ITGA9: variants seen among roughly 807,000 people sequenced by gnomAD.
ITGA9 encodes the protein integrin alpha-9.
ITGA9 carries 56 observed loss-of-function variants against 127.8 expected under a neutral mutation model. The ratio of observed to expected loss-of-function variants is 0.44; its 90% confidence interval spans 0.35 to 0.55. ITGA9 has a LOEUF of 0.55. Ranked by LOEUF, ITGA9 falls within the 20% of genes least tolerant of loss-of-function variation. The pLI, the probability that ITGA9 is intolerant of heterozygous loss-of-function variation, is 0.00. For missense variants in ITGA9, 1,196 were observed against 1,347.1 expected (o/e 0.89, Z 1.76); for synonymous variants, 508 against 514.5 (o/e 0.99, Z 0.17).
chr3:37,662,437 G>C (rs1700547369), intron 17 of ITGA9, among the ~76,000 whole-genome samples: 1 of 152,094 alleles, frequency 6.6e-6, no homozygotes, highest in African/African-American at 2.4e-5. Flanking sequence ...CCAGGAGCCA[G>C]GGTGGGGAAG....
At chr3:37,717,404 G>A (rs1045537396) in intron 18 of ITGA9, among the ~76,000 whole-genome samples, 7 of 152,162 alleles carry the variant, frequency 4.6e-5, no homozygotes, top group African/African-American at 7.2e-5. Flanking sequence ...GTATTAGTCC[G>A]TTTTCACACT....
At chr3:37,797,637 A>G (rs1697189362) in intron 26 of ITGA9, among the ~76,000 whole-genome samples, 1 of 152,218 alleles carries the variant, frequency 6.6e-6, no homozygotes, top group South Asian at 2.1e-4. Context: ...AATATTCATA[A>G]TATCAAAAAA....
At chr3:37,563,562 T>C (rs568167255) in intron 15 of ITGA9, among the ~76,000 whole-genome samples, 4 of 152,362 alleles carry the variant, frequency 2.6e-5, no homozygotes, top group Non-Finnish European at 4.4e-5. Context: ...TCCCCAGTTA[T>C]GGAATGTCTA....
intron 3 of ITGA9, among the ~76,000 whole-genome samples, chr3:37,476,284 C>T (rs967519886): frequency 6.6e-6 from 1 of 152,060 alleles, no homozygotes; most frequent in Non-Finnish European, 1.5e-5. Flanking sequence ...CAAATGGCTG[C>T]AGCATTTTAA....
At chr3:37,664,707 A>C (rs1700569056) in intron 17 of ITGA9, among the ~76,000 whole-genome samples, 2 of 152,000 alleles carry the variant, frequency 1.3e-5, no homozygotes, top group Non-Finnish European at 2.9e-5. Context: ...TGGCCGAGTC[A>C]GCACATTCTT....
chr3:37,493,318 G>A (rs966818183), intron 4 of ITGA9, among the ~76,000 whole-genome samples: 1 of 152,150 alleles, frequency 6.6e-6, no homozygotes, highest in African/African-American at 2.4e-5. Flanking sequence ...TTTGTATTTT[G>A]CATTTCAAAA....
chr3:37,822,177 T>C lies in ITGA9; in HGVS notation c.*3188T>C, dbSNP rs1455388714. Reference sequence around the variant, plus strand: ...CACTGTGGAATCCTATAAGATATTCTCCTGAGCAGTATTATTTCAGTTTCC... The same window carrying C: ...CACTGTGGAATCCTATAAGATATTCCCCTGAGCAGTATTATTTCAGTTTCC... On this transcript the variant is annotated 3_prime_UTR_variant, in exon 28 of 28. Transcript: ENST00000264741. 1 of 152,170 alleles carries C rather than the reference T, an allele frequency of 6.6e-6. No homozygotes were observed. The highest frequency in any genetic ancestry group is 1.5e-5 in the Non-Finnish European group (1 of 68,038). The allele number at this position is 152,170 out of a possible 1,614,324, so 9.4% of individuals were successfully genotyped here. A position where few individuals can be genotyped will look rare whatever the true frequency, so the allele number is the denominator to read the frequency against.
rs189455553 is a variant in ITGA9, at chr3:37,749,276, G to A, written c.2434-1186G>A. ...TCTTAGGATGTTCTCTTTCTGATCT[G>A]ACTTCTGCCTCTTCCCTATATAAGG... On this transcript the variant is annotated intron_variant, in intron 22 of 27. Coordinates refer to ENST00000264741, the MANE Select transcript of ITGA9 (RefSeq NM_002207.3). 3.2e-4 allele frequency: 51 copies of A among 161,472 alleles called. 1 individual carries two copies. In the East Asian group the frequency reaches 8.6e-3, roughly 27 times the overall value. 10.0% of individuals were successfully genotyped at this position (161,472 alleles called of 1,614,324 possible).
rs182860693 is a variant in ITGA9, at chr3:37,764,235, A to G, written c.2542-13157A>G. On this transcript the variant is annotated intron_variant, in intron 23 of 27. Transcript: ENST00000264741. Reference sequence around the variant, plus strand: ...TACAATTCCTTTAATTTTCTTTCCCATCCTAGGGTGTCCTCTTTGCTCTCT... The same window carrying G: ...TACAATTCCTTTAATTTTCTTTCCCGTCCTAGGGTGTCCTCTTTGCTCTCT... Among the ~76,000 whole-genome samples the G allele has an allele frequency of 1.9e-3, 284 of 152,142 alleles. 2 individuals carry two copies. The highest frequency in any genetic ancestry group is 6.8e-3 in the Middle Eastern group (2 of 294).
At chr3:37,764,779 T>C (rs972446425) in intron 23 of ITGA9, among the ~76,000 whole-genome samples, 5 of 152,228 alleles carry the variant, frequency 3.3e-5, no homozygotes, top group Non-Finnish European at 7.3e-5. Flanking sequence ...TGGCCCTGCC[T>C]CAGGGCCTTT....
chr3:37,764,016 A>T lies in ITGA9; in HGVS notation c.2542-13376A>T, dbSNP rs962904680. 3.8e-4 allele frequency among the ~76,000 whole-genome samples: 58 copies of T among 152,208 alleles called. 2 individuals are homozygous for T. Among genetic ancestry groups the T allele is most frequent in the African/African-American group, 1.2e-3 (51 of 41,470 alleles). On this transcript the variant is annotated intron_variant, in intron 23 of 27. Coordinates refer to ENST00000264741, the MANE Select transcript of ITGA9 (RefSeq NM_002207.3). ...AATACAATCGAGATGTCTCCCCAGT[A>T]CACAGAACTGCTTTTCCAGCAAGTT...
chr3:37,581,699 A>G (rs906797768), intron 15 of ITGA9, among the ~76,000 whole-genome samples: 1 of 152,198 alleles, frequency 6.6e-6, no homozygotes, highest in Non-Finnish European at 1.5e-5. Flanking sequence ...CCTTGTTAAC[A>G]CCGTAGATGA....
At chr3:37,651,825 C>A (rs1245580658) in intron 16 of ITGA9, among the ~76,000 whole-genome samples, 1 of 152,138 alleles carries the variant, frequency 6.6e-6, no homozygotes, top group Non-Finnish European at 1.5e-5. Flanking sequence ...GTTGTAAGGA[C>A]AACCAGAGTG....
intron 16 of ITGA9, among the ~76,000 whole-genome samples, chr3:37,636,924 T>C (rs1197719562): frequency 6.6e-6 from 1 of 152,090 alleles, no homozygotes; most frequent in African/African-American, 2.4e-5. Flanking sequence ...GTCAGGTTTG[T>C]CAAAGATCAG....
intron 14 of ITGA9, among the ~76,000 whole-genome samples, chr3:37,535,798 A>G (rs267551): frequency 0.44 from 67,477 of 152,134 alleles, 17,389 homozygotes; most frequent in East Asian, 0.81. Context: ...TGATATCTCA[A>G]TATAATAAGG....
chr3:37,738,692 T>G (rs1259590834), intron 20 of ITGA9, among the ~76,000 whole-genome samples: 1 of 152,206 alleles, frequency 6.6e-6, no homozygotes, highest in Non-Finnish European at 1.5e-5. Flanking sequence ...CACTCGCCAT[T>G]GTTGGGCAGA....
intron 1 of ITGA9, among the ~76,000 whole-genome samples, chr3:37,468,757 G>A (rs779154618): frequency 1.5e-4 from 23 of 152,230 alleles, no homozygotes; most frequent in Middle Eastern, 3.2e-3. Flanking sequence ...TACATAATAT[G>A]TAATGCACTC....
At chr3:37,692,168 A>G (rs1471523041) in intron 18 of ITGA9, among the ~76,000 whole-genome samples, 2 of 152,174 alleles carry the variant, frequency 1.3e-5, no homozygotes, top group African/African-American at 4.8e-5. Context: ...TCCCACTTGT[A>G]TATGATGGGT....
intron 1 of ITGA9, among the ~76,000 whole-genome samples, chr3:37,459,358 G>A (rs984907610): frequency 6.6e-6 from 1 of 152,130 alleles, no homozygotes; most frequent in Non-Finnish European, 1.5e-5. Flanking sequence ...CCAAGATCAG[G>A]GCCCCAGCAG....
Sources: allele counts gnomAD v4.1 joint callset (sites outside exome capture counted in the v4.1 genomes callset), GRCh38; gene constraint gnomAD v4.1.1; transcripts MANE v1.5; gene names NCBI Gene and HGNC (gene_info 2026-07-23, HGNC 2026-07-21).